INTS3: variants seen among roughly 807,000 people sequenced by gnomAD.
The protein encoded by INTS3 is SOSS complex subunit A.
INTS3 carries 34 observed loss-of-function variants against 146.3 expected under a neutral mutation model. The observed-to-expected ratio is 0.23, with a 90% CI of 0.18 to 0.31. INTS3 has a LOEUF of 0.31. INTS3 is among the 10% of genes least tolerant of loss of function. The pLI is 1.00. For missense variants in INTS3, 757 were observed against 1,304.2 expected (o/e 0.58, Z 6.46); for synonymous variants, 475 against 494.9 (o/e 0.96, Z 0.53).
At chr1:153,756,183 C>T (rs1468386005) in intron 9 of INTS3, among the ~76,000 whole-genome samples, 2 of 151,742 alleles carry the variant, frequency 1.3e-5, no homozygotes, top group Non-Finnish European at 2.9e-5. Context: ...CAAGACTAGC[C>T]GGGCAACATG....
chr1:153,742,286 A>G lies in INTS3; in HGVS notation c.318+918A>G, dbSNP rs564441447. On this transcript the variant is annotated intron_variant, in intron 3 of 29. Coordinates refer to ENST00000318967, the MANE Select transcript of INTS3 (RefSeq NM_023015.5). ...TCTGGGCTGGGACCTTGTCGAGTTA[A>G]ATTGCTGTTTCATTTTTATACTGAA... Among the ~76,000 whole-genome samples the G allele has an allele frequency of 2.6e-5, 4 of 152,312 alleles. No homozygotes were observed. The East Asian group carries it at 5.8e-4, about 22-fold the overall frequency.
rs144463039 is a variant in INTS3, at chr1:153,751,354, C to G, written c.729+115C>G. The G allele has an allele frequency of 3.9e-4, 401 of 1,036,396 alleles. 3 individuals are homozygous for G. In the African/African-American group the frequency reaches 5.8e-3, roughly 15 times the overall value. 64.2% of individuals were successfully genotyped at this position (1,036,396 alleles called of 1,614,324 possible). A position where few individuals can be genotyped will look rare whatever the true frequency, so the allele number is the denominator to read the frequency against. On this transcript the variant is annotated intron_variant, in intron 7 of 29. Transcript: ENST00000318967. ...GTTAGAGATGAAGGTGCATCAAGAT[C>G]TGGTGTTTTCCATCATTCATCAACA...
At chr1:153,750,659 A>G (rs1671924531) in intron 6 of INTS3, among the ~76,000 whole-genome samples, 1 of 152,222 alleles carries the variant, frequency 6.6e-6, no homozygotes, top group Non-Finnish European at 1.5e-5. Context: ...CTTAAGAACC[A>G]CTGACTTAGG....
intron 9 of INTS3, among the ~76,000 whole-genome samples, chr1:153,755,583 C>G (rs1672130011): frequency 6.6e-6 from 1 of 152,104 alleles, no homozygotes; most frequent in Non-Finnish European, 1.5e-5. Flanking sequence ...AGCAGACTTC[C>G]CAGGCCATTC....
chr1:153,755,214 A>C (rs1672117973), intron 9 of INTS3, among the ~76,000 whole-genome samples: 1 of 151,148 alleles, frequency 6.6e-6, no homozygotes, highest in Admixed American at 6.6e-5. Context: ...CCTGGATCCC[A>C]CTCTCCTAGA....
In INTS3 at chr1:153,771,893, G is replaced by A. The variant is rs750760465; in HGVS notation, c.2650G>A (p.Asp884Asn). 1 of 1,614,128 alleles carries A rather than the reference G, an allele frequency of 6.2e-7. No homozygotes were observed. Among genetic ancestry groups the A allele is most frequent in the Non-Finnish European group, 8.5e-7 (1 of 1,180,012 alleles). Residue 884 changes from aspartate to asparagine, a missense_variant, in exon 26 of 30, where the codon GAC becomes AAC. Asp to Asn is a conservative substitution (Grantham distance 23, BLOSUM62 1). Around this residue, in one of 8 missense-constraint regions of INTS3, gnomAD observed 116 missense variants for 226.5 expected, o/e 0.51. Coordinates refer to ENST00000318967, the MANE Select transcript of INTS3 (RefSeq NM_023015.5). ...SILRHWCMKH[D>N]ELLAEHIKSL... ...CCTGCGGCACTGGTGCATGAAACAT[G>A]ACGAGCTGCTGGCCGAGCACATCAA...
At chr1:153,740,878 T>G in intron 2 of INTS3, 144 bp downstream of exon 2, 1 of 706,170 alleles carries the variant, frequency 1.4e-6, no homozygotes. Context: ...TTCTCAATTC[T>G]TCTCTTTTAC....
chr1:153,769,114 G>T (rs941738927), intron 22 of INTS3, among the ~76,000 whole-genome samples, 153 bp downstream of exon 22: 2 of 152,182 alleles, frequency 1.3e-5, no homozygotes, highest in African/African-American at 4.8e-5. Flanking sequence ...CAGCCATGGG[G>T]CCTGGGAAGG....
In INTS3 at chr1:153,773,316, T is replaced by C. The variant is rs1001655729; in HGVS notation, c.*46T>C. ...ACCCCCGGCTGGACTGCCCTCTCCT[T>C]CTTGGTGATTCAAAGGTTAATAGAG... On this transcript the variant is annotated 3_prime_UTR_variant, in exon 30 of 30. Transcript: ENST00000318967. 5 of 1,530,588 alleles carry C rather than the reference T, an allele frequency of 3.3e-6. No homozygotes were observed. The highest frequency in any genetic ancestry group is 3.6e-6 in the Non-Finnish European group (4 of 1,104,042). The allele number at this position is 1,530,588 out of a possible 1,614,324, so 94.8% of individuals were successfully genotyped here.
rs1260108377 is a variant in INTS3, at chr1:153,757,188, G to A, written c.958-384G>A. Among the ~76,000 whole-genome samples, 2 of 152,200 alleles carry A rather than the reference G, an allele frequency of 1.3e-5. No individual in the cohort carries two copies. The highest frequency in any genetic ancestry group is 2.9e-5 in the Non-Finnish European group (2 of 68,042). ...GTGAACAGACCCAGCTCTTACTCTT[G>A]AAGAACATTTCTTGCTGTTCACCAG... On this transcript the variant is annotated intron_variant, in intron 9 of 29. Coordinates refer to ENST00000318967, the MANE Select transcript of INTS3 (RefSeq NM_023015.5). The surrounding 1 kb of genome is among the most constrained non-coding windows in gnomAD (Gnocchi z 4.0).
intron 6 of INTS3, 22 bp downstream of exon 6, chr1:153,748,777 G>A (rs746041810): frequency 8.8e-6 from 14 of 1,599,450 alleles, no homozygotes; most frequent in Non-Finnish European, 1.1e-5. Flanking sequence ...CACGAAGGGT[G>A]GGGTACAGGC....
intron 6 of INTS3, 46 bp from the exon 7 acceptor site, chr1:153,751,049 A>ATTT: frequency 6.4e-7 from 1 of 1,570,976 alleles, no homozygotes; most frequent in South Asian, 1.2e-5. Context: ...GGGAGGGTGA[A>ATTT]TAGTTCTAGA....
Position 153,728,525 on chromosome 1 carries a change from T to G in INTS3, c.-110T>G. On this transcript the variant is annotated 5_prime_UTR_variant, in exon 1 of 30. Transcript: ENST00000318967. ...GAGGACAGGGGCCCTTGCTCTCCCC[T>G]CCCCAACTTGTTCCTCTTGCCCCCC... 1 of 1,374,436 alleles carries G rather than the reference T, an allele frequency of 7.3e-7. No individual in the cohort carries two copies. The highest frequency in any genetic ancestry group is 9.8e-7 in the Non-Finnish European group (1 of 1,020,404). 85.1% of individuals were successfully genotyped at this position (1,374,436 alleles called of 1,614,324 possible). A position where few individuals can be genotyped will look rare whatever the true frequency, so the allele number is the denominator to read the frequency against.
At chr1:153,761,971 T>C (rs1396079994) in intron 14 of INTS3, among the ~76,000 whole-genome samples, 2 of 152,400 alleles carry the variant, frequency 1.3e-5, no homozygotes, top group Middle Eastern at 6.8e-3. Flanking sequence ...TTACAATATT[T>C]ATCTCACTTT....
chr1:153,742,828 G>A (rs1671588498), intron 3 of INTS3, among the ~76,000 whole-genome samples: 1 of 152,188 alleles, frequency 6.6e-6, no homozygotes, highest in Non-Finnish European at 1.5e-5. Context: ...GCCCCATGTG[G>A]GAGGCCCAGG....
At chr1:153,755,857 G>A (rs945772331) in intron 9 of INTS3, among the ~76,000 whole-genome samples, 5 of 152,078 alleles carry the variant, frequency 3.3e-5, no homozygotes, top group African/African-American at 1.2e-4. Context: ...TGGCCAACGT[G>A]GTGAAACCCC....
At chr1:153,739,500 G>A (rs1377893694) in intron 1 of INTS3, among the ~76,000 whole-genome samples, 1 of 151,458 alleles carries the variant, frequency 6.6e-6, no homozygotes, top group Non-Finnish European at 1.5e-5. Flanking sequence ...GTGCCACCAT[G>A]CCAGGCTAAT....
intron 20 of INTS3, chr1:153,767,400 T>A: frequency 2.7e-6 from 1 of 374,020 alleles, no homozygotes; most frequent in Non-Finnish European, 4.8e-6. Flanking sequence ...GCCCTCCCTC[T>A]TCTGTTCCTG....
At position 153,763,379 on chromosome 1, in the gene INTS3, T is replaced by G. The variant is rs771668243; in HGVS notation, c.1766+17T>G. The G allele has an allele frequency of 6.2e-7, 1 of 1,613,388 alleles. No homozygotes were observed. Among genetic ancestry groups the G allele is most frequent in the Non-Finnish European group, 8.5e-7 (1 of 1,179,966 alleles). ...GAAGGGGAGGTGGGTACAGACCTTG[T>G]TCTCAACTTCAGGAGGTTCAGCCCC... On this transcript the variant is annotated intron_variant, in intron 16 of 29. Transcript: ENST00000318967.
Sources: allele counts gnomAD v4.1 joint callset (sites outside exome capture counted in the v4.1 genomes callset), GRCh38; gene constraint gnomAD v4.1.1; regional missense constraint gnomAD v4.1.1; non-coding constraint Gnocchi (gnomAD v3.1); transcripts MANE v1.5; gene names NCBI Gene and HGNC (gene_info 2026-07-23, HGNC 2026-07-21).